The following KLHDC2 variants were observed in gnomAD, a reference collection of about 807,000 sequenced individuals.
KLHDC2 encodes kelch domain-containing protein 2.
KLHDC2 carries 38 observed loss-of-function variants against 62.3 expected under a neutral mutation model. The observed-to-expected ratio is 0.61, with a 90% CI of 0.47 to 0.80. The LOEUF is 0.80. KLHDC2 is among the 30% of genes least tolerant of loss of function. The probability of loss-of-function intolerance (pLI) is 0.00; values close to 1 mark genes in which losing one functional copy is unlikely to be tolerated. For missense variants in KLHDC2, 430 were observed against 495.3 expected, an observed-to-expected ratio of 0.87 and a Z score of 1.25; for synonymous variants, 159 against 161.0, an observed-to-expected ratio of 0.99 and a Z score of 0.09.
intron 10 of KLHDC2, among the ~76,000 whole-genome samples, chr14:49,781,369 C>CTCCAA (rs10623363): frequency 4.0e-5 from 5 of 124,692 alleles, no homozygotes; most frequent in South Asian, 2.5e-4. Context: ...AACTCTGTCT[C>CTCCAA]AAAAAAAAAA....
At position 49,785,743 on chromosome 14, in the gene KLHDC2, C is replaced by T. The variant is rs1890141820; in HGVS notation, c.*2790C>T. Reference sequence around the variant, plus strand: ...TCTCTACAAAAAATATAAAAGTTAGCTGGGTATAGTGGGTGCCTGTAGTCC... The same window carrying T: ...TCTCTACAAAAAATATAAAAGTTAGTTGGGTATAGTGGGTGCCTGTAGTCC... On this transcript the variant is annotated 3_prime_UTR_variant, in exon 13 of 13. Transcript: ENST00000298307. The T allele has an allele frequency of 5.5e-6, 1 of 180,412 alleles. No individual in the cohort carries two copies. Among genetic ancestry groups the T allele is most frequent in the Non-Finnish European group, 1.2e-5 (1 of 84,536 alleles). 11.2% of individuals were successfully genotyped at this position (180,412 alleles called of 1,614,324 possible).
At chr14:49,780,353 C>A in intron 9 of KLHDC2, 31 bp downstream of exon 9, 1 of 1,257,352 alleles carries the variant, frequency 8.0e-7, no homozygotes, top group Non-Finnish European at 1.2e-6. Context: ...ATAATGAAAT[C>A]ATCATATATC....
In KLHDC2 at chr14:49,779,991, G is replaced by GA. The variant is rs1280053246; in HGVS notation, c.773+185_773+186insA. 1.9e-5 allele frequency: 12 copies of GA among 620,208 alleles called. No homozygotes were observed. In the East Asian group the frequency reaches 3.3e-4, roughly 17 times the overall value. 38.4% of individuals were successfully genotyped at this position (620,208 alleles called of 1,614,324 possible). A position where few individuals can be genotyped will look rare whatever the true frequency, so the allele number is the denominator to read the frequency against. On this transcript the variant is annotated intron_variant, in intron 8 of 12. Transcript: ENST00000298307. ...TCCAGTTCCTGTAACTATGTGCCTA[G>GA]TACATAGCATGTGCTCAGTGTTTGT... is the stretch of plus-strand genomic sequence containing the variant.
rs1193225757 is a variant in KLHDC2, at chr14:49,785,451, G to A, written c.*2498G>A. The A allele has an allele frequency of 6.1e-6, 4 of 660,446 alleles. No individual in the cohort carries two copies. The highest frequency in any genetic ancestry group is 1.1e-5 in the Non-Finnish European group (4 of 366,254). 40.9% of individuals were successfully genotyped at this position (660,446 alleles called of 1,614,324 possible). On this transcript the variant is annotated 3_prime_UTR_variant, in exon 13 of 13. Coordinates refer to ENST00000298307, the MANE Select transcript of KLHDC2 (RefSeq NM_014315.3). ...TATACATACCATCTAAGCTGGAACA[G>A]TGGTACTTAAACTCTGCTTCATAGT...
In KLHDC2 at chr14:49,783,833, T is replaced by C. The variant is rs1173195337; in HGVS notation, c.*880T>C. On this transcript the variant is annotated 3_prime_UTR_variant, in exon 13 of 13. Transcript: ENST00000298307. ...GCTGAGTCATGAGAATTATTACTTA[T>C]ATTTTACATTTTGGTCTAATATTTT... 1 of 152,194 alleles carries C rather than the reference T, an allele frequency of 6.6e-6. No individual in the cohort carries two copies. The highest frequency in any genetic ancestry group is 2.4e-5 in the African/African-American group (1 of 41,448). The allele number at this position is 152,194 out of a possible 1,614,324, so 9.4% of individuals were successfully genotyped here.
At chr14:49,775,126 T>C (rs1889743776) in intron 3 of KLHDC2, among the ~76,000 whole-genome samples, 1 of 152,250 alleles carries the variant, frequency 6.6e-6, no homozygotes, top group African/African-American at 2.4e-5. Context: ...AAGACAATGC[T>C]GTTCAGACTT....
At chr14:49,778,139 G>GT in intron 4 of KLHDC2, 39 bp from the exon 5 acceptor site, 1 of 1,325,254 alleles carries the variant, frequency 7.5e-7, no homozygotes, top group Non-Finnish European at 1.1e-6. Context: ...TATCCTATGG[G>GT]TATTTGAATT....
rs1312334206 is a variant in KLHDC2 at position 49,783,065 on chromosome 14, T to A, written c.*112T>A. The A allele has an allele frequency of 1.8e-6, 2 of 1,138,392 alleles. No homozygotes were observed. The highest frequency in any genetic ancestry group is 2.5e-6 in the Non-Finnish European group (2 of 815,554). 70.5% of individuals were successfully genotyped at this position (1,138,392 alleles called of 1,614,324 possible). ...CATTGTTGTAGTTTGCACCTGTTGG[T>A]TTTAATGTGCATGTGAATGGCCTAG... On this transcript the variant is annotated 3_prime_UTR_variant, in exon 13 of 13. Transcript: ENST00000298307.
chr14:49,782,755 T>G (rs948919480), intron 12 of KLHDC2, 75 bp from the exon 13 acceptor site: 1 of 1,516,988 alleles, frequency 6.6e-7, no homozygotes, highest in African/African-American at 1.4e-5. Flanking sequence ...AGGGATGTTT[T>G]ATGTAGTTTT....
At position 49,774,618 on chromosome 14, in the gene KLHDC2, G is replaced by A. The variant is rs765326638; in HGVS notation, c.291G>A (p.Val97=). The change falls in exon 3 of 13, where the codon GTG becomes GTA. Residue 97 remains valine, a synonymous_variant. Coordinates refer to ENST00000298307, the MANE Select transcript of KLHDC2 (RefSeq NM_014315.3). ...CTTCTATGTCAGGAAGCTGTGCTGT[G>A]TGTGTAGACAGGGTGCTGTACTTGT... is the stretch of plus-strand genomic sequence containing the variant. ...VPPSMSGSCA[V]CVDRVLYLFG... 6 of 1,613,982 alleles carry A rather than the reference G, an allele frequency of 3.7e-6. No individual in the cohort carries two copies. The highest frequency in any genetic ancestry group is 1.7e-5 in the Admixed American group (1 of 60,014).
chr14:49,783,132 A>AAAT lies in KLHDC2; in HGVS notation c.*180_*181insATA. ...TCTAAAGTTTACAATAAATGTATTT[A>AAAT]ACACCAGTAGCTGTCCTCTATTAAA... is the stretch of plus-strand genomic sequence containing the variant. On this transcript the variant is annotated 3_prime_UTR_variant, in exon 13 of 13. Transcript: ENST00000298307. The AAAT allele has an allele frequency of 2.1e-6, 1 of 486,724 alleles. No individual in the cohort carries two copies. Among genetic ancestry groups the AAAT allele is most frequent in the Non-Finnish European group, 3.5e-6 (1 of 284,598 alleles). The allele number at this position is 486,724 out of a possible 1,614,324, so 30.2% of individuals were successfully genotyped here.
chr14:49,775,871 C>T (rs556337908), intron 3 of KLHDC2, among the ~76,000 whole-genome samples: 6 of 152,236 alleles, frequency 3.9e-5, no homozygotes, highest in Non-Finnish European at 7.4e-5. Flanking sequence ...AGGTGATCCA[C>T]CTGCTTTGGC....
intron 6 of KLHDC2, among the ~76,000 whole-genome samples, chr14:49,778,764 C>G (rs1450813146): frequency 1.3e-5 from 2 of 150,910 alleles, no homozygotes; most frequent in Non-Finnish European, 2.9e-5. Context: ...CGCACTGTTG[C>G]CTGGGCTGGA....
intron 1 of KLHDC2, among the ~76,000 whole-genome samples, chr14:49,769,657 C>T (rs1001540858): frequency 1.3e-5 from 2 of 152,152 alleles, no homozygotes; most frequent in African/African-American, 4.8e-5. Context: ...AGAAAGGGGG[C>T]CGGGCGCGGT....
rs1019191207 is a variant in KLHDC2 at position 49,783,803 on chromosome 14, A to ATTAAGC, written c.*852_*857dup. ...GAAGGTCTACAAATGAATAGAAATG[A>ATTAAGC]TTAAGCTGAGTCATGAGAATTATTA... On this transcript the variant is annotated 3_prime_UTR_variant, in exon 13 of 13. Transcript: ENST00000298307. 25 of 152,214 alleles carry ATTAAGC rather than the reference A, an allele frequency of 1.6e-4. No homozygotes were observed. The highest frequency in any genetic ancestry group is 3.1e-4 in the Non-Finnish European group (21 of 68,000). 9.4% of individuals were successfully genotyped at this position (152,214 alleles called of 1,614,324 possible).
chr14:49,782,989 G>A lies in KLHDC2; in HGVS notation c.*36G>A. ...ATAATGCCTATGATCACCTTGCATGGACAGCAATCCTGTAAACATCACAGA... is the reference window on the plus strand; with the variant it reads ...ATAATGCCTATGATCACCTTGCATGAACAGCAATCCTGTAAACATCACAGA... On this transcript the variant is annotated 3_prime_UTR_variant, in exon 13 of 13. Coordinates refer to ENST00000298307, the MANE Select transcript of KLHDC2 (RefSeq NM_014315.3). 1 of 1,598,940 alleles carries A rather than the reference G, an allele frequency of 6.3e-7. No homozygotes were observed. Among genetic ancestry groups the A allele is most frequent in the South Asian group, 1.1e-5 (1 of 88,850 alleles).
chr14:49,768,445 G>A lies in KLHDC2; in HGVS notation c.-24G>A. ...GCCCCTCGCGGGTGTGGGCATTGTT[G>A]GTTAGCAAAAGTGCAGCCTCAAGAT... On this transcript the variant is annotated 5_prime_UTR_variant, in exon 1 of 13. Coordinates refer to ENST00000298307, the MANE Select transcript of KLHDC2 (RefSeq NM_014315.3). The A allele has an allele frequency of 2.5e-6, 4 of 1,604,338 alleles. No homozygotes were observed. Among genetic ancestry groups the A allele is most frequent in the Non-Finnish European group, 2.6e-6 (3 of 1,176,324 alleles).
chr14:49,781,330 T>G (rs1386176127), intron 10 of KLHDC2, among the ~76,000 whole-genome samples: 1 of 141,414 alleles, frequency 7.1e-6, no homozygotes, highest in African/African-American at 2.6e-5. Flanking sequence ...GATCGTGCCT[T>G]TGCACTCCAG....
rs775365639 is a variant in KLHDC2, at chr14:49,782,453, G to C, written c.1040G>C (p.Arg347Thr). 4 of 1,610,792 alleles carry C rather than the reference G, an allele frequency of 2.5e-6. No individual in the cohort carries two copies. The highest frequency in any genetic ancestry group is 3.4e-6 in the Non-Finnish European group (4 of 1,177,364). ...GCANNLLVHH[R>T]AAHSNEILIF... Reference sequence around the variant, plus strand: ...GCCAACAACTTGCTTGTCCATCACAGAGCTGTAAGTATACTACCTTCACAT... The same window carrying C: ...GCCAACAACTTGCTTGTCCATCACACAGCTGTAAGTATACTACCTTCACAT... The change falls in exon 11 of 13, where the codon AGA becomes ACA. Residue 347 changes from arginine (R) to threonine (T), a missense_variant. Coordinates refer to ENST00000298307, the MANE Select transcript of KLHDC2 (RefSeq NM_014315.3).
Sources: gnomAD v4.1 joint callset for allele counts (sites outside exome capture counted in the v4.1 genomes callset) on GRCh38, gnomAD v4.1.1 for gene constraint, MANE v1.5 for transcripts, NCBI Gene and HGNC (gene_info 2026-07-23, HGNC 2026-07-21) for gene names.